The following LRRTM4 variants were observed in gnomAD, a reference collection of about 807,000 sequenced individuals.
LRRTM4 encodes leucine rich repeat transmembrane neuronal 4.
A neutral mutation model predicts 47.6 loss-of-function variants in LRRTM4; 25 were observed. That is an observed-to-expected ratio of 0.53 (90% CI 0.38 to 0.73). The LOEUF (loss-of-function observed/expected upper bound fraction) is 0.73. LRRTM4 is among the 30% of genes least tolerant of loss of function. LRRTM4 has a pLI of 0.00. For missense variants in LRRTM4, 638 were observed against 713.4 expected (o/e 0.89, Z 1.20); for synonymous variants, 311 against 269.5 (o/e 1.15, Z -1.51).
chr2:77,484,023 A>G (rs1316848041), intron 3 of LRRTM4, among the ~76,000 whole-genome samples: 1 of 152,166 alleles, frequency 6.6e-6, no homozygotes, highest in Admixed American at 6.5e-5. Context: ...TAAGATCCCA[A>G]AGCATATATG....
Position 77,366,435 on chromosome 2 carries a change from C to T in LRRTM4, c.1551+151883G>A, listed in dbSNP as rs1672464976. 2.0e-5 allele frequency among the ~76,000 whole-genome samples: 3 copies of T among 151,860 alleles called. No individual in the cohort carries two copies. The South Asian group carries it at 6.2e-4, about 32-fold the overall frequency. On this transcript the variant is annotated intron_variant, in intron 3 of 3. Coordinates refer to ENST00000409884, the MANE Select transcript of LRRTM4 (RefSeq NM_001134745.3). ...GCTTATTCCTAAGTGGCCTCCTTTC[C>T]TTACTTTGTATTATTTCCCTGGGTA...
chr2:76,855,047 C>T (rs1239082760), intron 3 of LRRTM4, among the ~76,000 whole-genome samples: 2 of 151,908 alleles, frequency 1.3e-5, no homozygotes, highest in African/African-American at 4.8e-5. Flanking sequence ...GACATTTGAC[C>T]AAAATTTTGA....
At chr2:77,477,959 G>GAAAGAAAGAA (rs1558762057) in intron 3 of LRRTM4, among the ~76,000 whole-genome samples, 7 of 115,670 alleles carry the variant, frequency 6.1e-5, no homozygotes, top group African/African-American at 2.3e-4. Context: ...AAGAAAGAAA[G>GAAAGAAAGAA]AAAGAAAGAA....
Position 77,130,822 on chromosome 2 carries a change from C to CT in LRRTM4, c.1552-381907dup, listed in dbSNP as rs1221439109. Reference sequence around the variant, plus strand: ...CACCGTGCCCGGCCAATTATTTGTTCTATTTTTTTTTTTTTTTTTTTTTTT... The same window carrying CT: ...CACCGTGCCCGGCCAATTATTTGTTCTTATTTTTTTTTTTTTTTTTTTTTTT... On this transcript the variant is annotated intron_variant, in intron 3 of 3. Transcript: ENST00000409884. 6.3e-4 allele frequency among the ~76,000 whole-genome samples: 33 copies of CT among 52,054 alleles called. 1 individual carries two copies. The highest frequency in any genetic ancestry group is 2.1e-3 in the African/African-American group (26 of 12,258). The allele number at this position is 52,054 out of a possible 152,430, so 34.1% of individuals were successfully genotyped here. A position where few individuals can be genotyped will look rare whatever the true frequency, so the allele number is the denominator to read the frequency against.
intron 3 of LRRTM4, among the ~76,000 whole-genome samples, chr2:76,795,037 C>G (rs942885152): frequency 2.0e-5 from 3 of 151,688 alleles, no homozygotes; most frequent in African/African-American, 4.8e-5. Flanking sequence ...AATAAAGATA[C>G]TTCTGTATGG....
At chr2:76,931,012 C>A (rs540697030) in intron 3 of LRRTM4, among the ~76,000 whole-genome samples, 4 of 151,972 alleles carry the variant, frequency 2.6e-5, no homozygotes, top group South Asian at 2.1e-4. Flanking sequence ...GGCTCATAGA[C>A]CTTGTATGAT....
intron 3 of LRRTM4, among the ~76,000 whole-genome samples, chr2:76,972,886 G>C (rs1573387642): frequency 6.6e-6 from 1 of 151,784 alleles, no homozygotes; most frequent in South Asian, 2.1e-4. Flanking sequence ...TGATATAATG[G>C]AATAAGTATA....
At chr2:77,055,048 T>G (rs1679556905) in intron 3 of LRRTM4, among the ~76,000 whole-genome samples, 1 of 152,154 alleles carries the variant, frequency 6.6e-6, no homozygotes, top group African/African-American at 2.4e-5. Flanking sequence ...GGGAGCCCTG[T>G]GATAGCTGGC....
intron 3 of LRRTM4, among the ~76,000 whole-genome samples, chr2:77,490,208 C>G (rs901487647): frequency 1.3e-5 from 2 of 151,858 alleles, no homozygotes; most frequent in African/African-American, 4.8e-5. Flanking sequence ...CGAGACCGCA[C>G]CACTGCACTC....
At chr2:76,920,713 T>C (rs545017579) in intron 3 of LRRTM4, among the ~76,000 whole-genome samples, 1 of 152,106 alleles carries the variant, frequency 6.6e-6, no homozygotes, top group Non-Finnish European at 1.5e-5. Context: ...ATGTAGTGTA[T>C]AAAACAAAGC....
intron 3 of LRRTM4, among the ~76,000 whole-genome samples, chr2:76,857,650 G>A (rs1353129898): frequency 2.6e-5 from 4 of 152,066 alleles, no homozygotes; most frequent in African/African-American, 9.7e-5. Context: ...TAAATGTCCT[G>A]CATAATTGTT....
intron 3 of LRRTM4, among the ~76,000 whole-genome samples, chr2:77,015,990 G>C (rs1678054395): frequency 6.6e-6 from 1 of 152,000 alleles, no homozygotes; most frequent in South Asian, 2.1e-4. Context: ...GCTGAGGCAA[G>C]AGAATCGCTT....
rs138231902 is a variant in LRRTM4, at chr2:76,904,651, T to G, written c.1552-155735A>C. Among the ~76,000 whole-genome samples, 463 of 152,256 alleles carry G rather than the reference T, an allele frequency of 3.0e-3. 3 individuals carry two copies. Among genetic ancestry groups the G allele is most frequent in the African/African-American group, 0.01 (433 of 41,554 alleles). On this transcript the variant is annotated intron_variant, in intron 3 of 3. Transcript: ENST00000409884. ...GCAGTGAGGAATCTGCATCAATGTT[T>G]TAGAAGCGTGTTGGCACATTGGAAA...
rs533677387 is a variant in LRRTM4 at position 76,798,293 on chromosome 2, A to G, written c.1552-49377T>C. 3.3e-5 allele frequency among the ~76,000 whole-genome samples: 5 copies of G among 152,262 alleles called. No individual in the cohort carries two copies. The East Asian group carries it at 9.6e-4, about 29-fold the overall frequency. The stretch of plus-strand genomic sequence containing the variant: ...ATTAAAATAGAACTCAGGATTAAGA[A>G]TCTCACTCAAAACCACTCAACTACA... On this transcript the variant is annotated intron_variant, in intron 3 of 3. Coordinates refer to ENST00000409884, the MANE Select transcript of LRRTM4 (RefSeq NM_001134745.3).
At chr2:76,859,453 T>C (rs1672248791) in intron 3 of LRRTM4, among the ~76,000 whole-genome samples, 1 of 152,138 alleles carries the variant, frequency 6.6e-6, no homozygotes, top group Admixed American at 6.6e-5. Context: ...AGTATTGCTT[T>C]TGAATGGAAA....
intron 3 of LRRTM4, among the ~76,000 whole-genome samples, chr2:77,171,633 A>G (rs116670756): frequency 0.01 from 1,546 of 152,050 alleles, 31 homozygotes; most frequent in African/African-American, 0.036. Context: ...TAGGTCATAT[A>G]TTTATATGAT....
intron 3 of LRRTM4, among the ~76,000 whole-genome samples, chr2:76,959,219 G>T (rs918322848): frequency 6.6e-6 from 1 of 151,628 alleles, no homozygotes; most frequent in Non-Finnish European, 1.5e-5. Context: ...TTGGTAAGAT[G>T]TCAAATTTTA....
intron 3 of LRRTM4, among the ~76,000 whole-genome samples, chr2:77,422,825 T>G (rs1674955048): frequency 6.6e-6 from 1 of 152,170 alleles, no homozygotes; most frequent in Non-Finnish European, 1.5e-5. Context: ...GGAATATATG[T>G]GAAACAATTT....
At chr2:77,166,643 A>G (rs1185524439) in intron 3 of LRRTM4, among the ~76,000 whole-genome samples, 1 of 152,190 alleles carries the variant, frequency 6.6e-6, no homozygotes, top group Non-Finnish European at 1.5e-5. Context: ...GCCCTCAGAA[A>G]TAATATCACA....
Sources: allele counts gnomAD v4.1 joint callset (sites outside exome capture counted in the v4.1 genomes callset), GRCh38; gene constraint gnomAD v4.1.1; transcripts MANE v1.5; gene names NCBI Gene and HGNC (gene_info 2026-07-23, HGNC 2026-07-21).